The following KIF26B variants were observed in gnomAD, a reference collection of about 807,000 sequenced individuals.
The protein encoded by KIF26B is kinesin-like protein KIF26B.
In KIF26B, 63 loss-of-function variants were observed where a neutral mutation model predicts 151.2. The observed-to-expected ratio is 0.42, with a 90% CI of 0.34 to 0.51. The LOEUF (loss-of-function observed/expected upper bound fraction) is 0.51, where lower values mean the gene tolerates loss of function less well. Ranked by LOEUF, KIF26B falls within the 20% of genes least tolerant of loss-of-function variation. The pLI, the probability that KIF26B is intolerant of heterozygous loss-of-function variation, is 0.07. For missense variants in KIF26B, 2,813 were observed against 2,913.6 expected, an observed-to-expected ratio of 0.97 and a Z score of 0.79; for synonymous variants, 1,357 against 1,262.1, an observed-to-expected ratio of 1.08 and a Z score of -1.59.
At chr1:245,619,622 AG>A (rs1410358099) in intron 9 of KIF26B, among the ~76,000 whole-genome samples, 12 of 141,522 alleles carry the variant, frequency 8.5e-5, no homozygotes, top group South Asian at 2.3e-4. Flanking sequence ...AAAAAAAAAA[AG>A]AATCTCTGGG....
intron 2 of KIF26B, among the ~76,000 whole-genome samples, chr1:245,184,050 G>GTTGTTGTTTT (rs1553332271): frequency 5.0e-5 from 1 of 19,804 alleles, no homozygotes; most frequent in African/African-American, 1.5e-4. Flanking sequence ...GGGAGTTGTT[G>GTTGTTGTTTT]TTTTTTTTTT....
chr1:245,434,379 T>G (rs1182366081), intron 4 of KIF26B, among the ~76,000 whole-genome samples: 1 of 152,238 alleles, frequency 6.6e-6, no homozygotes, highest in Non-Finnish European at 1.5e-5. Flanking sequence ...AAGTCTGACC[T>G]GGCCAGGGTC....
At chr1:245,612,996 T>C (rs944339563) in intron 9 of KIF26B, among the ~76,000 whole-genome samples, 1 of 152,096 alleles carries the variant, frequency 6.6e-6, no homozygotes, top group African/African-American at 2.4e-5. Context: ...ATGTCTCCAG[T>C]GGGGATCTTG....
At chr1:245,191,117 A>C (rs1259284504) in intron 2 of KIF26B, among the ~76,000 whole-genome samples, 2 of 151,430 alleles carry the variant, frequency 1.3e-5, no homozygotes, top group Non-Finnish European at 2.9e-5. Context: ...CATAAATATG[A>C]ATATTTGTTC....
intron 3 of KIF26B, among the ~76,000 whole-genome samples, chr1:245,416,759 G>A (rs71636548): frequency 0.035 from 5,385 of 152,248 alleles, 143 homozygotes; most frequent in South Asian, 0.065. Flanking sequence ...GACCTTGCCC[G>A]AGGCTGGAGC....
At chr1:245,392,992 G>T (rs1673737510) in intron 3 of KIF26B, among the ~76,000 whole-genome samples, 1 of 151,928 alleles carries the variant, frequency 6.6e-6, no homozygotes, top group Admixed American at 6.6e-5. Flanking sequence ...CCAACATAGT[G>T]AAACCCCGCC....
At chr1:245,256,391 G>A (rs949747700) in intron 2 of KIF26B, among the ~76,000 whole-genome samples, 3 of 152,158 alleles carry the variant, frequency 2.0e-5, no homozygotes, top group Admixed American at 2.0e-4. Context: ...GATTTAGAAG[G>A]GACCTTCATC....
At chr1:245,575,125 A>G (rs908232482) in intron 5 of KIF26B, among the ~76,000 whole-genome samples, 3 of 149,446 alleles carry the variant, frequency 2.0e-5, no homozygotes, top group Admixed American at 6.6e-5. Context: ...TCGGCCTCCC[A>G]AAGTACTGGG....
chr1:245,327,219 T>C (rs1672009188), intron 2 of KIF26B, among the ~76,000 whole-genome samples: 1 of 152,224 alleles, frequency 6.6e-6, no homozygotes, highest in Non-Finnish European at 1.5e-5. Flanking sequence ...AGCTTTACAG[T>C]GATTCAGTCT....
rs777481942 is a variant in KIF26B at position 245,369,978 on chromosome 1, A to G, written c.999+2611A>G. Among the ~76,000 whole-genome samples, 279 of 152,338 alleles carry G rather than the reference A, an allele frequency of 1.8e-3. 1 individual carries two copies. Among genetic ancestry groups the G allele is most frequent in the Non-Finnish European group, 2.4e-3 (160 of 68,034 alleles). ...GAACAGAGAAGGGCTTCTTTGCATC[A>G]TGGGATAATTTGCTTTTTTTTGTTT... On this transcript the variant is annotated intron_variant, in intron 3 of 14. Coordinates refer to ENST00000407071, the MANE Select transcript of KIF26B (RefSeq NM_018012.4).
intron 4 of KIF26B, among the ~76,000 whole-genome samples, chr1:245,517,715 G>A (rs1661000765): frequency 6.6e-6 from 1 of 152,156 alleles, no homozygotes; most frequent in South Asian, 2.1e-4. Context: ...ATATGGAAGA[G>A]ATGAATAATT....
chr1:245,681,399 T>C (rs1052998493), intron 10 of KIF26B, among the ~76,000 whole-genome samples: 14 of 152,094 alleles, frequency 9.2e-5, no homozygotes, highest in African/African-American at 2.2e-4. Context: ...TTGGTAGAGA[T>C]GGGGTTTCAC....
At chr1:245,660,846 C>T (rs981392141) in intron 10 of KIF26B, among the ~76,000 whole-genome samples, 31 of 152,100 alleles carry the variant, frequency 2.0e-4, no homozygotes, top group African/African-American at 7.0e-4. Flanking sequence ...GACGGGGTCT[C>T]ATTCTGTCAC....
chr1:245,218,864 G>A lies in KIF26B; in HGVS notation c.465+62181G>A, dbSNP rs2103547796. Among the ~76,000 whole-genome samples the A allele has an allele frequency of 6.6e-6, 1 of 152,262 alleles. No individual in the cohort carries two copies. Among genetic ancestry groups the A allele is most frequent in the South Asian group, 2.1e-4 (1 of 4,822 alleles). Reference sequence around the variant, plus strand: ...TGGCTCTTAACTCCTGCTTTTTGTAGAAGCTTGACAGGCAGCTGACTCAGC... The same window carrying A: ...TGGCTCTTAACTCCTGCTTTTTGTAAAAGCTTGACAGGCAGCTGACTCAGC... On this transcript the variant is annotated intron_variant, in intron 2 of 14. Transcript: ENST00000407071. The surrounding 1 kb of genome is among the most constrained non-coding windows in gnomAD (Gnocchi z 4.1).
intron 4 of KIF26B, among the ~76,000 whole-genome samples, chr1:245,508,425 A>G (rs1213589129): frequency 3.9e-5 from 6 of 152,092 alleles, no homozygotes. Flanking sequence ...TATTTCTAGT[A>G]GAGATGGGGT....
intron 2 of KIF26B, among the ~76,000 whole-genome samples, chr1:245,220,593 A>G (rs1215409158): frequency 6.6e-6 from 1 of 152,184 alleles, no homozygotes; most frequent in East Asian, 1.9e-4. Context: ...CAATATCCCA[A>G]TAAAGCGTGT....
chr1:245,540,696 G>A lies in KIF26B; in HGVS notation c.1167-71G>A. On this transcript the variant is annotated intron_variant, in intron 4 of 14. Coordinates refer to ENST00000407071, the MANE Select transcript of KIF26B (RefSeq NM_018012.4). This position sits in a 1 kb window ranked among gnomAD's most constrained non-coding sequence, Gnocchi z 4.6. ...AGAAAGAACGAGGGGTTGTTTAAGA[G>A]AAAACGAAGTAAGCCTAGCAGATCT... 2.1e-6 allele frequency: 3 copies of A among 1,405,092 alleles called. No individual in the cohort carries two copies. The highest frequency in any genetic ancestry group is 3.0e-6 in the Non-Finnish European group (3 of 989,576). The allele number at this position is 1,405,092 out of a possible 1,614,324, so 87.0% of individuals were successfully genotyped here. A position where few individuals can be genotyped will look rare whatever the true frequency, so the allele number is the denominator to read the frequency against.
Position 245,704,693 on chromosome 1 carries a change from T to C in KIF26B, c.*2087T>C, listed in dbSNP as rs553862949. ...CCTGAGCTCCTTAACCTTGACCCCA[T>C]TCTGCAGGACAGTCGCATGCTCTGG... On this transcript the variant is annotated 3_prime_UTR_variant, in exon 15 of 15. Coordinates refer to ENST00000407071, the MANE Select transcript of KIF26B (RefSeq NM_018012.4). 1 of 152,380 alleles carries C rather than the reference T, an allele frequency of 6.6e-6. No individual in the cohort carries two copies. Among genetic ancestry groups the C allele is most frequent in the South Asian group, 2.1e-4 (1 of 4,824 alleles). 9.4% of individuals were successfully genotyped at this position (152,380 alleles called of 1,614,324 possible). A position where few individuals can be genotyped will look rare whatever the true frequency, so the allele number is the denominator to read the frequency against.
rs1012045060 is a variant in KIF26B, at chr1:245,170,043, G to GA, written c.465+13370dup. On this transcript the variant is annotated intron_variant, in intron 2 of 14. Coordinates refer to ENST00000407071, the MANE Select transcript of KIF26B (RefSeq NM_018012.4). The surrounding 1 kb of genome is among the most constrained non-coding windows in gnomAD (Gnocchi z 4.4). The stretch of plus-strand genomic sequence containing the variant: ...GTACCAAGTAGATTTCTGGTGTTTT[G>GA]AAAAAAAAAATCACCCGTCCACTGC... Among the ~76,000 whole-genome samples, 160 of 149,694 alleles carry GA rather than the reference G, an allele frequency of 1.1e-3. No individual in the cohort carries two copies. The highest frequency in any genetic ancestry group is 6.8e-3 in the Middle Eastern group (2 of 292).
Sources: allele counts gnomAD v4.1 joint callset (sites outside exome capture counted in the v4.1 genomes callset), GRCh38; gene constraint gnomAD v4.1.1; non-coding constraint Gnocchi (gnomAD v3.1); transcripts MANE v1.5; gene names NCBI Gene and HGNC (gene_info 2026-07-23, HGNC 2026-07-21).